SPIDR: variants seen among roughly 807,000 people sequenced by gnomAD.
The protein encoded by SPIDR is scaffold protein involved in DNA repair.
SPIDR carries 93 observed loss-of-function variants against 104.6 expected under a neutral mutation model. The ratio of observed to expected loss-of-function variants is 0.89; its 90% CI spans 0.75 to 1.06. SPIDR has a LOEUF of 1.06. SPIDR is among the 50% of genes least tolerant of loss of function. The pLI is 0.00. For missense variants in SPIDR, 1,154 were observed against 1,111.2 expected (o/e 1.04, Z -0.55); for synonymous variants, 431 against 416.9 (o/e 1.03, Z -0.41).
At chr8:47,581,272 A>G (rs569319217) in intron 8 of SPIDR, among the ~76,000 whole-genome samples, 1 of 152,034 alleles carries the variant, frequency 6.6e-6, no homozygotes, top group South Asian at 2.1e-4. Context: ...TTTATTTTTT[A>G]TTTTCAGTAA....
chr8:47,447,540 T>C (rs970276280), intron 8 of SPIDR, among the ~76,000 whole-genome samples: 11 of 152,164 alleles, frequency 7.2e-5, no homozygotes, highest in Admixed American at 2.0e-4. Flanking sequence ...AGATGGAATA[T>C]AATCCTGGTG....
At chr8:47,484,432 G>GCA (rs113283317) in intron 8 of SPIDR, among the ~76,000 whole-genome samples, 13 of 152,322 alleles carry the variant, frequency 8.5e-5, no homozygotes, top group African/African-American at 2.9e-4. Context: ...TCCTCCTGAG[G>GCA]TCCTGGTGAA....
chr8:47,323,070 C>T (rs1186284492), intron 5 of SPIDR, among the ~76,000 whole-genome samples: 4 of 148,092 alleles, frequency 2.7e-5, no homozygotes, highest in Admixed American at 6.8e-5. Flanking sequence ...CGCATGTACC[C>T]GAAAACGTAA....
chr8:47,656,391 A>G (rs1243115215), intron 10 of SPIDR, among the ~76,000 whole-genome samples: 1 of 152,240 alleles, frequency 6.6e-6, no homozygotes, highest in South Asian at 2.1e-4. Context: ...ATGCAAATGG[A>G]CAGTAAGCAC....
chr8:47,623,827 C>T (rs949881668), intron 10 of SPIDR, among the ~76,000 whole-genome samples: 4 of 152,202 alleles, frequency 2.6e-5, no homozygotes, highest in African/African-American at 7.2e-5. Flanking sequence ...GACAGATCAA[C>T]GAGACAGAAA....
chr8:47,320,289 A>G lies in SPIDR; in HGVS notation c.525+26259A>G, dbSNP rs916294324. 2.0e-5 allele frequency among the ~76,000 whole-genome samples: 3 copies of G among 152,248 alleles called. 1 individual carries two copies. The highest frequency in any genetic ancestry group is 4.1e-4 in the South Asian group (2 of 4,838). ...ATATCACCACTAATCCCACAGAAAT[A>G]CAAACTACCATCAGAGAATACTATA... On this transcript the variant is annotated intron_variant, in intron 5 of 19. Transcript: ENST00000297423.
At chr8:47,688,826 C>A (rs1355608159) in intron 11 of SPIDR, among the ~76,000 whole-genome samples, 1 of 152,168 alleles carries the variant, frequency 6.6e-6, no homozygotes, top group African/African-American at 2.4e-5. Context: ...TGCTGTCTTT[C>A]CATTATTTGG....
intron 8 of SPIDR, among the ~76,000 whole-genome samples, chr8:47,490,564 C>G (rs1455681386): frequency 6.6e-6 from 1 of 152,166 alleles, no homozygotes; most frequent in Non-Finnish European, 1.5e-5. Context: ...TATTGTGGCA[C>G]TATTCACAGT....
intron 5 of SPIDR, among the ~76,000 whole-genome samples, chr8:47,364,670 T>G (rs782430226): frequency 1.3e-5 from 2 of 152,328 alleles, no homozygotes; most frequent in Non-Finnish European, 2.9e-5. Flanking sequence ...TTACTATGAT[T>G]TGAGGTTTTT....
At position 47,685,497 on chromosome 8, in the gene SPIDR, A is replaced by ATTTT. The variant is rs1383864694; in HGVS notation, c.1685+11559_1685+11560insTTTT. Among the ~76,000 whole-genome samples, 74 of 113,176 alleles carry ATTTT rather than the reference A, an allele frequency of 6.5e-4. 1 individual carries two copies. Among genetic ancestry groups the ATTTT allele is most frequent in the African/African-American group, 1.8e-3 (66 of 37,260 alleles). The allele number at this position is 113,176 out of a possible 152,430, so 74.2% of individuals were successfully genotyped here. A position where few individuals can be genotyped will look rare whatever the true frequency, so the allele number is the denominator to read the frequency against. ...AGTGGTTTTATTTATTTATTTATTT[A>ATTTT]TTTATTTATTTATTTATTTATTTTT... On this transcript the variant is annotated intron_variant, in intron 11 of 19. Transcript: ENST00000297423.
chr8:47,613,754 T>A (rs191077126), intron 10 of SPIDR, among the ~76,000 whole-genome samples: 194 of 152,358 alleles, frequency 1.3e-3, no homozygotes, highest in Admixed American at 2.5e-3. Flanking sequence ...CTTCTTTTCA[T>A]GTGCTCATTG....
chr8:47,301,039 T>C (rs1172376515), intron 5 of SPIDR, among the ~76,000 whole-genome samples: 4 of 152,098 alleles, frequency 2.6e-5, no homozygotes, highest in Admixed American at 6.6e-5. Flanking sequence ...CTAATGTTGA[T>C]AGTGGGGTGT....
At chr8:47,302,606 C>T (rs960293875) in intron 5 of SPIDR, among the ~76,000 whole-genome samples, 16 of 152,274 alleles carry the variant, frequency 1.1e-4, no homozygotes, top group Non-Finnish European at 2.2e-4. Context: ...ATGATGGTGA[C>T]GTACAGATGG....
intron 8 of SPIDR, among the ~76,000 whole-genome samples, chr8:47,586,855 G>A (rs758690329): frequency 2.0e-5 from 3 of 152,118 alleles, no homozygotes; most frequent in Admixed American, 6.6e-5. Flanking sequence ...TGCAACCTCC[G>A]CCTCCTGGGT....
At chr8:47,673,743 G>C (rs749618636) in intron 10 of SPIDR, 58 bp from the exon 11 acceptor site, 2 of 1,601,506 alleles carry the variant, frequency 1.2e-6, no homozygotes, top group African/African-American at 1.3e-5. Context: ...GGGAAATCTT[G>C]ATCTCTGTAT....
At chr8:47,684,388 C>G (rs1006962110) in intron 11 of SPIDR, among the ~76,000 whole-genome samples, 1 of 152,134 alleles carries the variant, frequency 6.6e-6, no homozygotes, top group Non-Finnish European at 1.5e-5. Context: ...ACAACAAAAA[C>G]TTCTAGGAGC....
chr8:47,319,965 T>G (rs1410893044), intron 5 of SPIDR, among the ~76,000 whole-genome samples: 5 of 151,694 alleles, frequency 3.3e-5, no homozygotes, highest in African/African-American at 9.7e-5. Context: ...GAGGGAAATT[T>G]ATAGCACTAA....
intron 7 of SPIDR, among the ~76,000 whole-genome samples, chr8:47,426,334 C>T (rs1554684781): frequency 1.3e-5 from 2 of 151,974 alleles, no homozygotes; most frequent in Non-Finnish European, 1.5e-5. Context: ...TAACTCACTA[C>T]AGCAATATTG....
intron 5 of SPIDR, among the ~76,000 whole-genome samples, chr8:47,377,500 CACTT>C (rs1453657376): frequency 4.6e-5 from 7 of 152,214 alleles, no homozygotes; most frequent in African/African-American, 1.4e-4. Flanking sequence ...GCACAGGACA[CACTT>C]AGTTCCTCTA....
Sources: gnomAD v4.1 joint callset for allele counts (sites outside exome capture counted in the v4.1 genomes callset) on GRCh38, gnomAD v4.1.1 for gene constraint, MANE v1.5 for transcripts, NCBI Gene and HGNC (gene_info 2026-07-23, HGNC 2026-07-21) for gene names.